TENM4: variants seen among roughly 807,000 people sequenced by gnomAD.
TENM4 encodes teneurin-4.
In TENM4, 82 loss-of-function variants were observed where a neutral mutation model predicts 243.3. That is an observed-to-expected ratio of 0.34 (90% CI 0.28 to 0.40). The LOEUF is 0.40. Among genes scored for constraint, TENM4 ranks in the 10% least tolerant of loss-of-function variants. The probability of loss-of-function intolerance (pLI) is 1.00; values close to 1 mark genes in which losing one functional copy is unlikely to be tolerated. For missense variants in TENM4, 3,138 were observed against 3,673.3 expected (o/e 0.85, Z 3.77); for synonymous variants, 1,412 against 1,456.3 (o/e 0.97, Z 0.69).
chr11:79,372,593 G>C (rs956297834), intron 1 of TENM4, among the ~76,000 whole-genome samples: 2 of 152,224 alleles, frequency 1.3e-5, no homozygotes, highest in Non-Finnish European at 2.9e-5. Context: ...GAATCTGGTA[G>C]AACTAGGTGT....
At chr11:78,815,597 G>C (rs950767494) in intron 12 of TENM4, among the ~76,000 whole-genome samples, 1 of 152,048 alleles carries the variant, frequency 6.6e-6, no homozygotes, top group Non-Finnish European at 1.5e-5. Context: ...AGCTCCTGTT[G>C]GTAAACCTAT....
intron 6 of TENM4, among the ~76,000 whole-genome samples, chr11:78,958,321 G>T (rs1226582979): frequency 6.6e-6 from 1 of 152,194 alleles, no homozygotes; most frequent in Non-Finnish European, 1.5e-5. Flanking sequence ...GAATTTAGAT[G>T]AGAACAATTC....
intron 1 of TENM4, among the ~76,000 whole-genome samples, chr11:79,397,176 T>C (rs1296000670): frequency 2.0e-5 from 3 of 152,210 alleles, no homozygotes; most frequent in Non-Finnish European, 2.9e-5. Context: ...CCATTCCAGC[T>C]AGTCATGGCT....
At chr11:78,721,729 C>T (rs1006870114) in intron 24 of TENM4, among the ~76,000 whole-genome samples, 5 of 152,208 alleles carry the variant, frequency 3.3e-5, no homozygotes, top group Non-Finnish European at 5.9e-5. Flanking sequence ...GAAGGCTTTC[C>T]AGCTCTAGGG....
At chr11:78,842,545 C>G (rs895183588) in intron 12 of TENM4, among the ~76,000 whole-genome samples, 8 of 152,216 alleles carry the variant, frequency 5.3e-5, no homozygotes, top group Non-Finnish European at 1.0e-4. Context: ...ACCAGACTTC[C>G]AAGCTGGCTA....
intron 1 of TENM4, among the ~76,000 whole-genome samples, chr11:79,413,473 C>A (rs1324853392): frequency 2.0e-5 from 3 of 152,206 alleles, no homozygotes. Context: ...GCTCCTCCTA[C>A]TGATTGGTCA....
intron 1 of TENM4, among the ~76,000 whole-genome samples, chr11:79,353,601 C>A (rs1430389205): frequency 6.6e-6 from 1 of 152,068 alleles, no homozygotes; most frequent in African/African-American, 2.4e-5. Context: ...TGAAGTGACG[C>A]TTGGTACCTG....
intron 30 of TENM4, among the ~76,000 whole-genome samples, chr11:78,675,942 C>T (rs912805846): frequency 6.6e-6 from 1 of 152,144 alleles, no homozygotes; most frequent in Non-Finnish European, 1.5e-5. Flanking sequence ...TCAACTCAGA[C>T]CTGTCTAACA....
At chr11:78,729,131 C>CCAGCA (rs1273422138) in intron 22 of TENM4, among the ~76,000 whole-genome samples, 2 of 152,200 alleles carry the variant, frequency 1.3e-5, no homozygotes, top group African/African-American at 4.8e-5. Flanking sequence ...CCCTCACAAG[C>CCAGCA]CAGCACAGCA....
chr11:78,738,763 G>A (rs545677039), intron 19 of TENM4, among the ~76,000 whole-genome samples, 193 bp from the exon 20 acceptor site: 1 of 152,306 alleles, frequency 6.6e-6, no homozygotes, highest in Non-Finnish European at 1.5e-5. Flanking sequence ...GCATCAAAGT[G>A]TCCTTGAGAG....
rs1857845597 is a variant in TENM4, at chr11:78,654,579, G to GAGA, written c.*3478_*3479insTCT. The GAGA allele has an allele frequency of 6.6e-6, 1 of 152,046 alleles. No individual in the cohort carries two copies. Among genetic ancestry groups the GAGA allele is most frequent in the South Asian group, 2.1e-4 (1 of 4,824 alleles). 9.4% of individuals were successfully genotyped at this position (152,046 alleles called of 1,614,324 possible). On this transcript the variant is annotated 3_prime_UTR_variant, in exon 34 of 34. Transcript: ENST00000278550. Reference sequence around the variant, plus strand: ...GCCATCATCTTCTGTGCCCCCTCCTGGTTATTTGGACACACACCTCCTGGC... The same window carrying GAGA: ...GCCATCATCTTCTGTGCCCCCTCCTGAGAGTTATTTGGACACACACCTCCTGGC...
chr11:78,755,396 C>T (rs368753583), intron 19 of TENM4, among the ~76,000 whole-genome samples: 125 of 152,100 alleles, frequency 8.2e-4, no homozygotes, highest in Middle Eastern at 3.4e-3. Flanking sequence ...CTCGAACTCC[C>T]GGGCTCAAGT....
intron 20 of TENM4, among the ~76,000 whole-genome samples, chr11:78,735,271 G>A (rs1013544126): frequency 1.3e-5 from 2 of 152,178 alleles, no homozygotes; most frequent in Admixed American, 1.3e-4. Context: ...ACCTGAGGTG[G>A]GGTTTATTTT....
chr11:78,853,069 T>TTTTTTTTTTTTTTTTTTTTTTG (rs1397242045), intron 12 of TENM4, among the ~76,000 whole-genome samples: 1 of 152,088 alleles, frequency 6.6e-6, no homozygotes. Flanking sequence ...CAGAAACTTT[T>TTTTTTTTTTTTTTTTTTTTTTG]ATCAAACTCC....
rs1858324462 is a variant in TENM4, at chr11:79,001,457, C to T, written c.493+63281G>A. Among the ~76,000 whole-genome samples, 5 of 147,550 alleles carry T rather than the reference C, an allele frequency of 3.4e-5. No homozygotes were observed. In the South Asian group the frequency reaches 1.1e-3, roughly 31 times the overall value. ...ATGGCATGCTCTTGCCATGAACTTC[C>T]AGAATCCTGGCAGCAGGAGACCCCC... is the stretch of plus-strand genomic sequence containing the variant. On this transcript the variant is annotated intron_variant, in intron 6 of 33. Transcript: ENST00000278550.
intron 1 of TENM4, among the ~76,000 whole-genome samples, chr11:79,387,247 A>C (rs1490814528): frequency 4.6e-5 from 7 of 152,346 alleles, no homozygotes; most frequent in Middle Eastern, 3.4e-3. Flanking sequence ...CTTTGCAAGA[A>C]GTAAGGGGAA....
At chr11:79,204,275 T>C (rs993599373) in intron 3 of TENM4, among the ~76,000 whole-genome samples, 3 of 152,204 alleles carry the variant, frequency 2.0e-5, no homozygotes, top group Non-Finnish European at 4.4e-5. Flanking sequence ...ATATGTCAAT[T>C]ATGTCTAAAT....
At chr11:78,699,319 G>A (rs1263900464) in intron 28 of TENM4, among the ~76,000 whole-genome samples, 1 of 152,190 alleles carries the variant, frequency 6.6e-6, no homozygotes, top group African/African-American at 2.4e-5. Context: ...ACCCTAGCCA[G>A]TGCAGTTGAA....
chr11:78,913,759 C>T (rs1856250861), intron 6 of TENM4, among the ~76,000 whole-genome samples: 1 of 152,094 alleles, frequency 6.6e-6, no homozygotes, highest in Non-Finnish European at 1.5e-5. Flanking sequence ...CCATGCTGTG[C>T]TGATTTGCTG....
Sources: gnomAD v4.1 joint callset for allele counts (sites outside exome capture counted in the v4.1 genomes callset) on GRCh38, gnomAD v4.1.1 for gene constraint, MANE v1.5 for transcripts, NCBI Gene and HGNC (gene_info 2026-07-23, HGNC 2026-07-21) for gene names.